The following CNBD1 variants were observed in gnomAD, a reference collection of about 807,000 sequenced individuals.
CNBD1 encodes cyclic nucleotide binding domain containing 1, also known as cyclic nucleotide-binding domain-containing protein 1.
CNBD1 carries 71 observed loss-of-function variants against 54.4 expected under a neutral mutation model. The observed-to-expected ratio is 1.30, with a 90% confidence interval of 1.08 to 1.59. CNBD1 has a LOEUF of 1.59. Ranked by LOEUF, CNBD1 falls within the 40% of genes most tolerant of loss-of-function variation. CNBD1 has a pLI of 0.00. For missense variants in CNBD1, 659 were observed against 518.0 expected, an observed-to-expected ratio of 1.27 and a Z score of -2.64; for synonymous variants, 182 against 170.7, an observed-to-expected ratio of 1.07 and a Z score of -0.51.
chr8:87,391,525 T>A (rs1804428383), intron 2 of CNBD1, among the ~76,000 whole-genome samples: 2 of 152,100 alleles, frequency 1.3e-5, no homozygotes, highest in African/African-American at 4.8e-5. Context: ...TATAATTGAA[T>A]GTCCATAAAT....
At chr8:86,961,397 C>G (rs1807925724) in intron 4 of CNBD1, among the ~76,000 whole-genome samples, 1 of 152,176 alleles carries the variant, frequency 6.6e-6, no homozygotes, top group South Asian at 2.1e-4. Flanking sequence ...TAAAACAGGC[C>G]CCCTGCTTAG....
intron 4 of CNBD1, among the ~76,000 whole-genome samples, chr8:87,185,462 T>C (rs1224073926): frequency 1.3e-5 from 2 of 152,204 alleles, no homozygotes; most frequent in Admixed American, 1.3e-4. Flanking sequence ...CAAAATTAGT[T>C]AAGTTTATTG....
intron 10 of CNBD1, among the ~76,000 whole-genome samples, chr8:87,372,470 C>G (rs1810832972): frequency 6.6e-6 from 1 of 151,868 alleles, no homozygotes; most frequent in Non-Finnish European, 1.5e-5. Context: ...TGTTCCCACT[C>G]CACTGATTTC....
intron 10 of CNBD1, among the ~76,000 whole-genome samples, chr8:87,378,646 T>C (rs1330833764): frequency 6.7e-6 from 1 of 149,630 alleles, no homozygotes; most frequent in Non-Finnish European, 1.5e-5. Context: ...GGCTCTTTTT[T>C]GGTTCCATAT....
Position 87,184,530 on chromosome 8 carries a change from TCTCCTGGCAGTTTTCC to T in CNBD1, c.432-21460_432-21445del, listed in dbSNP as rs566515561. The stretch of plus-strand genomic sequence containing the variant: ...AGACTGGAGTTCTATCTTGTCCATC[TCTCCTGGCAGTTTTCC>T]CTGCCAACTCTAATGTCCATGGGGG... On this transcript the variant is annotated intron_variant, in intron 4 of 10. Coordinates refer to ENST00000518476, the MANE Select transcript of CNBD1 (RefSeq NM_173538.3). Among the ~76,000 whole-genome samples the T allele has an allele frequency of 4.4e-3, 674 of 152,186 alleles. 8 individuals are homozygous for T. Among genetic ancestry groups the T allele is most frequent in the African/African-American group, 0.015 (638 of 41,538 alleles).
chr8:86,993,761 A>T (rs904650206), intron 4 of CNBD1, among the ~76,000 whole-genome samples: 4 of 152,232 alleles, frequency 2.6e-5, no homozygotes, highest in Non-Finnish European at 5.9e-5. Flanking sequence ...GTGATCCAGT[A>T]GATGCTGTTT....
At chr8:87,262,894 G>C (rs1463626446) in intron 6 of CNBD1, among the ~76,000 whole-genome samples, 1 of 152,126 alleles carries the variant, frequency 6.6e-6, no homozygotes, top group Non-Finnish European at 1.5e-5. Flanking sequence ...AATAGTTTCT[G>C]TATTGGAGAT....
intron 4 of CNBD1, among the ~76,000 whole-genome samples, chr8:87,179,020 G>T (rs1813256706): frequency 6.6e-6 from 1 of 152,092 alleles, no homozygotes; most frequent in Non-Finnish European, 1.5e-5. Flanking sequence ...CGATTCTCCT[G>T]CCTCAGCCTC....
intron 4 of CNBD1, among the ~76,000 whole-genome samples, chr8:87,021,031 C>T (rs1809477799): frequency 6.6e-6 from 1 of 152,184 alleles, no homozygotes; most frequent in Non-Finnish European, 1.5e-5. Flanking sequence ...TCCCTATAGC[C>T]TGGAAGCCCC....
chr8:87,247,983 G>A (rs919209877), intron 6 of CNBD1, among the ~76,000 whole-genome samples: 1 of 152,176 alleles, frequency 6.6e-6, no homozygotes, highest in Non-Finnish European at 1.5e-5. Flanking sequence ...TCCAGTCATG[G>A]AAGCCACTTC....
chr8:86,996,151 A>G (rs1254625217), intron 4 of CNBD1, among the ~76,000 whole-genome samples: 1 of 152,162 alleles, frequency 6.6e-6, no homozygotes, highest in Non-Finnish European at 1.5e-5. Context: ...TAATAAATTC[A>G]GAAAGCATTT....
intron 4 of CNBD1, among the ~76,000 whole-genome samples, chr8:87,004,756 T>C (rs1385980377): frequency 2.0e-5 from 3 of 152,138 alleles, no homozygotes; most frequent in Non-Finnish European, 4.4e-5. Flanking sequence ...AACTAGGTTT[T>C]AGGTTTTAAT....
chr8:87,270,237 C>G (rs1225664165), intron 6 of CNBD1, among the ~76,000 whole-genome samples: 1 of 151,624 alleles, frequency 6.6e-6, no homozygotes, highest in East Asian at 1.9e-4. Flanking sequence ...CTTCAAGAAG[C>G]ATTTATGAGG....
intron 6 of CNBD1, among the ~76,000 whole-genome samples, chr8:87,271,483 T>C (rs1170844677): frequency 6.6e-6 from 1 of 152,018 alleles, no homozygotes; most frequent in Non-Finnish European, 1.5e-5. Context: ...TTAAATTTTC[T>C]TCTTAAGTTA....
At chr8:86,942,974 G>A (rs531655382) in intron 4 of CNBD1, among the ~76,000 whole-genome samples, 2 of 152,080 alleles carry the variant, frequency 1.3e-5, no homozygotes, top group South Asian at 4.1e-4. Context: ...GGCTGTTTAA[G>A]TGATGTTATC....
At chr8:87,211,737 G>A (rs980699210) in intron 5 of CNBD1, among the ~76,000 whole-genome samples, 1 of 152,146 alleles carries the variant, frequency 6.6e-6, no homozygotes, top group African/African-American at 2.4e-5. Context: ...CACCTGCCAT[G>A]CTCATGCAGC....
At chr8:86,955,653 A>G (rs960183293) in intron 4 of CNBD1, among the ~76,000 whole-genome samples, 1 of 152,128 alleles carries the variant, frequency 6.6e-6, no homozygotes, top group African/African-American at 2.4e-5. Context: ...GTCTCTTCAT[A>G]TCCTTTGCCC....
At chr8:87,141,257 A>G (rs190120809) in intron 4 of CNBD1, among the ~76,000 whole-genome samples, 62 of 152,242 alleles carry the variant, frequency 4.1e-4, no homozygotes, top group Admixed American at 1.6e-3. Flanking sequence ...TCAGCATTCT[A>G]TATTTCCAGT....
chr8:87,216,269 A>C (rs1396242611), intron 5 of CNBD1, among the ~76,000 whole-genome samples: 1 of 152,202 alleles, frequency 6.6e-6, no homozygotes, highest in East Asian at 1.9e-4. Context: ...AATTTTAAAA[A>C]TCCACTAGAA....
Sources: gnomAD v4.1 joint callset for allele counts (sites outside exome capture counted in the v4.1 genomes callset) on GRCh38, gnomAD v4.1.1 for gene constraint, MANE v1.5 for transcripts, NCBI Gene and HGNC (gene_info 2026-07-23, HGNC 2026-07-21) for gene names.